PLCB1: variants seen among roughly 807,000 people sequenced by gnomAD.
The protein encoded by PLCB1 is phospholipase C beta 1, also known as 1-phosphatidylinositol 4,5-bisphosphate phosphodiesterase beta-1.
A neutral mutation model predicts 161.8 loss-of-function variants in PLCB1; 46 were observed. The ratio of observed to expected loss-of-function variants is 0.28; its 90% CI spans 0.22 to 0.36. The LOEUF is 0.36. Ranked by LOEUF, PLCB1 falls within the 10% of genes least tolerant of loss-of-function variation. The pLI is 1.00. For synonymous variants in PLCB1, 517 were observed against 503.7 expected (o/e 1.03, Z -0.35); for missense variants, 1,016 against 1,472.5 (o/e 0.69, Z 5.07).
intron 2 of PLCB1, among the ~76,000 whole-genome samples, chr20:8,193,603 G>A (rs571685538): frequency 6.6e-6 from 1 of 151,834 alleles, no homozygotes; most frequent in African/African-American, 2.4e-5. Context: ...GACAAGGGTG[G>A]GTGTGAAAGT....
In PLCB1 at chr20:8,740,541, C is replaced by T; in HGVS notation, c.2413+93C>T. ...TGGGTTAGTGAAAGGAAAACTGAACCAAACAAAGCAGGAGATTCTGGCTTC... is the reference window on the plus strand; with the variant it reads ...TGGGTTAGTGAAAGGAAAACTGAACTAAACAAAGCAGGAGATTCTGGCTTC... On this transcript the variant is annotated intron_variant, in intron 22 of 31. Coordinates refer to ENST00000338037, the MANE Select transcript of PLCB1 (RefSeq NM_015192.4). The T allele has an allele frequency of 3.4e-6, 2 of 585,642 alleles. 1 individual carries two copies. The highest frequency in any genetic ancestry group is 5.5e-5 in the South Asian group (2 of 36,342). The allele number at this position is 585,642 out of a possible 1,614,324, so 36.3% of individuals were successfully genotyped here. A position where few individuals can be genotyped will look rare whatever the true frequency, so the allele number is the denominator to read the frequency against.
chr20:8,389,244 A>G (rs1216896609), intron 3 of PLCB1, among the ~76,000 whole-genome samples: 1 of 152,248 alleles, frequency 6.6e-6, no homozygotes, highest in Non-Finnish European at 1.5e-5. Flanking sequence ...TACATTTTTC[A>G]GTATATATGG....
intron 23 of PLCB1, among the ~76,000 whole-genome samples, chr20:8,756,460 T>A (rs1289820989): frequency 2.0e-5 from 3 of 152,312 alleles, no homozygotes; most frequent in South Asian, 2.1e-4. Context: ...TGGCAGCTTA[T>A]AACATCAACT....
intron 3 of PLCB1, among the ~76,000 whole-genome samples, chr20:8,553,617 A>T (rs1027347406): frequency 6.6e-6 from 1 of 152,106 alleles, no homozygotes; most frequent in East Asian, 1.9e-4. Context: ...ACAGCATTTG[A>T]GGTGTGGAAA....
intron 3 of PLCB1, among the ~76,000 whole-genome samples, chr20:8,555,398 A>G (rs1332209696): frequency 6.6e-6 from 1 of 152,110 alleles, no homozygotes; most frequent in African/African-American, 2.4e-5. Context: ...CCATCATATC[A>G]TACAATTCAG....
chr20:8,701,216 G>A (rs772562921), intron 11 of PLCB1, among the ~76,000 whole-genome samples: 2 of 152,082 alleles, frequency 1.3e-5, no homozygotes, highest in African/African-American at 2.4e-5. Context: ...AGGGCACAAG[G>A]CCCTACATAA....
At chr20:8,311,648 T>C (rs1003850206) in intron 2 of PLCB1, among the ~76,000 whole-genome samples, 2 of 152,198 alleles carry the variant, frequency 1.3e-5, no homozygotes, top group Non-Finnish European at 2.9e-5. Flanking sequence ...GTCTAGTGAT[T>C]CGGAAAGCCC....
chr20:8,755,588 T>C (rs1981696915), intron 23 of PLCB1, among the ~76,000 whole-genome samples: 1 of 152,216 alleles, frequency 6.6e-6, no homozygotes, highest in African/African-American at 2.4e-5. Flanking sequence ...CTGTTTACTG[T>C]GTATAAGGTA....
intron 3 of PLCB1, among the ~76,000 whole-genome samples, chr20:8,577,154 A>T (rs975092056): frequency 3.4e-4 from 51 of 152,188 alleles, no homozygotes; most frequent in African/African-American, 1.9e-4. Flanking sequence ...TTGAGGCCGG[A>T]TGCGGTGGCC....
At chr20:8,287,402 C>A (rs1983171075) in intron 2 of PLCB1, among the ~76,000 whole-genome samples, 1 of 151,836 alleles carries the variant, frequency 6.6e-6, no homozygotes, top group Non-Finnish European at 1.5e-5. Flanking sequence ...AAGATGTCAC[C>A]AGCTTATTGA....
At chr20:8,563,183 T>C (rs1568509547) in intron 3 of PLCB1, among the ~76,000 whole-genome samples, 3 of 152,096 alleles carry the variant, frequency 2.0e-5, no homozygotes, top group African/African-American at 7.2e-5. Context: ...CTTGCATTTA[T>C]ACAGTGAACA....
At chr20:8,398,002 T>C (rs1200021819) in intron 3 of PLCB1, among the ~76,000 whole-genome samples, 1 of 152,146 alleles carries the variant, frequency 6.6e-6, no homozygotes, top group Non-Finnish European at 1.5e-5. Flanking sequence ...AACATCTTCA[T>C]AGACTTTTTC....
chr20:8,334,342 T>C (rs938876104), intron 2 of PLCB1, among the ~76,000 whole-genome samples: 7 of 152,346 alleles, frequency 4.6e-5, no homozygotes, highest in African/African-American at 1.7e-4. Context: ...GAGAATAATA[T>C]CATCTGCCTC....
intron 3 of PLCB1, among the ~76,000 whole-genome samples, chr20:8,410,999 A>C (rs1979019197): frequency 1.3e-5 from 2 of 152,184 alleles, no homozygotes; most frequent in Admixed American, 6.5e-5. Context: ...ATGACACTTT[A>C]ATTGTGGACT....
intron 9 of PLCB1, among the ~76,000 whole-genome samples, chr20:8,684,132 C>T (rs1281723045): frequency 2.6e-5 from 4 of 152,278 alleles, no homozygotes; most frequent in South Asian, 2.1e-4. Context: ...GATCTGCCCA[C>T]CTTGGCCTCC....
intron 31 of PLCB1, among the ~76,000 whole-genome samples, chr20:8,821,570 T>A (rs1476732780): frequency 1.5e-5 from 2 of 132,354 alleles, no homozygotes; most frequent in African/African-American, 5.4e-5. Flanking sequence ...TAAATGACAC[T>A]TTTAAAAATG....
Position 8,262,489 on chromosome 20 carries a change from A to G in PLCB1, c.178-108893A>G, listed in dbSNP as rs1376432835. 3.9e-5 allele frequency among the ~76,000 whole-genome samples: 6 copies of G among 152,228 alleles called. No individual in the cohort carries two copies. The East Asian group carries it at 5.8e-4, about 15-fold the overall frequency. The stretch of plus-strand genomic sequence containing the variant: ...GTGTCTTTGTTTCGTGAGAACCCCA[A>G]TGAAGAAAGAGAAACAGGGAGACAT... On this transcript the variant is annotated intron_variant, in intron 2 of 31. Transcript: ENST00000338037.
intron 3 of PLCB1, among the ~76,000 whole-genome samples, chr20:8,487,645 G>A (rs1374526747): frequency 6.6e-6 from 1 of 152,152 alleles, no homozygotes; most frequent in Non-Finnish European, 1.5e-5. Flanking sequence ...GTCAGAGAGG[G>A]TGGGGATATG....
chr20:8,327,185 CTG>C (rs1376523561), intron 2 of PLCB1, among the ~76,000 whole-genome samples: 1 of 152,166 alleles, frequency 6.6e-6, no homozygotes, highest in African/African-American at 2.4e-5. Flanking sequence ...TGTGCCTAGC[CTG>C]TTTGTTTTTC....
Sources: allele counts gnomAD v4.1 joint callset (sites outside exome capture counted in the v4.1 genomes callset), GRCh38; gene constraint gnomAD v4.1.1; transcripts MANE v1.5; gene names NCBI Gene and HGNC (gene_info 2026-07-23, HGNC 2026-07-21).